The following DNAH9 variants were observed in gnomAD, a reference collection of about 807,000 sequenced individuals.
DNAH9 encodes DNAH9 variant protein.
DNAH9 carries 345 observed loss-of-function variants against 471.6 expected under a neutral mutation model. The observed-to-expected ratio is 0.73, with a 90% CI of 0.67 to 0.80. The LOEUF (loss-of-function observed/expected upper bound fraction) is 0.80, where lower values mean the gene tolerates loss of function less well. Ranked by LOEUF, DNAH9 falls within the 30% of genes least tolerant of loss-of-function variation. DNAH9 has a pLI of 0.00. For synonymous variants in DNAH9, 2,093 were observed against 2,123.6 expected (o/e 0.99, Z 0.40); for missense variants, 5,407 against 5,609.2 (o/e 0.96, Z 1.15).
At chr17:11,830,850 T>C (rs1469467671) in intron 48 of DNAH9, among the ~76,000 whole-genome samples, 1 of 152,200 alleles carries the variant, frequency 6.6e-6, no homozygotes, top group Non-Finnish European at 1.5e-5. Flanking sequence ...GAAGAATCTC[T>C]GTGACTTGGA....
At chr17:11,712,250 C>T (rs1204992580) in intron 26 of DNAH9, among the ~76,000 whole-genome samples, 1 of 148,158 alleles carries the variant, frequency 6.7e-6, no homozygotes, top group Non-Finnish European at 1.5e-5. Context: ...CATGGCAGAG[C>T]ATGTGTCTGT....
In DNAH9 at chr17:11,623,612, G is replaced by C. The variant is rs968523935; in HGVS notation, c.1350+3831G>C. On this transcript the variant is annotated intron_variant, in intron 6 of 68. Transcript: ENST00000262442. The surrounding 1 kb of genome is among the most constrained non-coding windows in gnomAD (Gnocchi z 4.1). Reference sequence around the variant, plus strand: ...GCTGTCCTCTGGCATATTTCATGTAGGCCTTTAGTTAATATTCTGTGTATC... The same window carrying C: ...GCTGTCCTCTGGCATATTTCATGTACGCCTTTAGTTAATATTCTGTGTATC... Among the ~76,000 whole-genome samples the C allele has an allele frequency of 1.3e-5, 2 of 152,066 alleles. No homozygotes were observed. Among genetic ancestry groups the C allele is most frequent in the South Asian group, 2.1e-4 (1 of 4,822 alleles).
chr17:11,879,086 A>G (rs1019643502), intron 53 of DNAH9, among the ~76,000 whole-genome samples: 4 of 152,098 alleles, frequency 2.6e-5, no homozygotes, highest in South Asian at 2.1e-4. Flanking sequence ...TTTTCTATGT[A>G]TCTAATACTA....
At chr17:11,837,163 G>A (rs1970877313) in intron 49 of DNAH9, among the ~76,000 whole-genome samples, 1 of 152,160 alleles carries the variant, frequency 6.6e-6, no homozygotes, top group African/African-American at 2.4e-5. Context: ...TATAAATACT[G>A]TTGGTTAATT....
intron 1 of DNAH9, among the ~76,000 whole-genome samples, chr17:11,601,368 G>A (rs2072383757): frequency 6.6e-6 from 1 of 150,922 alleles, no homozygotes; most frequent in Non-Finnish European, 1.5e-5. Flanking sequence ...GAGGGTGGGA[G>A]GGAGAGAGGG....
intron 50 of DNAH9, among the ~76,000 whole-genome samples, chr17:11,864,472 G>A (rs1277593835): frequency 6.7e-6 from 1 of 150,102 alleles, no homozygotes; most frequent in Non-Finnish European, 1.5e-5. Context: ...TAGGTGTGGT[G>A]TGGTGCTGAA....
chr17:11,733,916 A>G (rs2075306923), intron 28 of DNAH9, among the ~76,000 whole-genome samples: 1 of 152,000 alleles, frequency 6.6e-6, no homozygotes, highest in East Asian at 1.9e-4. Flanking sequence ...GATAAGGCAG[A>G]AAATAAGTTC....
intron 59 of DNAH9, among the ~76,000 whole-genome samples, chr17:11,898,414 C>A (rs1167557309): frequency 2.0e-5 from 3 of 152,198 alleles, no homozygotes; most frequent in Admixed American, 1.3e-4. Flanking sequence ...AGCCGCCGCG[C>A]CTGGCCCTTT....
chr17:11,784,200 G>A (rs1038398725), intron 40 of DNAH9, 100 bp from the exon 41 acceptor site: 53 of 1,556,568 alleles, frequency 3.4e-5, no homozygotes, highest in Admixed American at 8.9e-5. Flanking sequence ...ATATAGATTC[G>A]AAGGCTGTAT....
intron 49 of DNAH9, among the ~76,000 whole-genome samples, chr17:11,849,991 G>A (rs1971361044): frequency 6.6e-6 from 1 of 152,204 alleles, no homozygotes. Flanking sequence ...ATACATCCAT[G>A]AGGGAAGATC....
chr17:11,681,749 G>T (rs1252969797), intron 19 of DNAH9, among the ~76,000 whole-genome samples: 1 of 151,918 alleles, frequency 6.6e-6, no homozygotes, highest in Non-Finnish European at 1.5e-5. Context: ...AAGGTTATTT[G>T]CCCACAGAAA....
At position 11,881,326 on chromosome 17, in the gene DNAH9, C is replaced by G; in HGVS notation, c.10719C>G (p.Ile3573Met). The change falls in exon 55 of 69, where the codon ATC becomes ATG. Residue 3573 changes from isoleucine to methionine, a missense_variant. By Grantham distance (10) the Ile-to-Met change is conservative. Coordinates refer to ENST00000262442, the MANE Select transcript of DNAH9 (RefSeq NM_001372.4). The part of the protein sequence containing the change: ...QPELQAQATL[I>M]NFTVTRDGLE... ...AGCTGCAGGCTCAGGCCACCCTGAT[C>G]AACTTCACCGTGACCAGGGATGGCC... 6.2e-7 allele frequency: 1 copy of G among 1,614,168 alleles called. No individual in the cohort carries two copies. Among genetic ancestry groups the G allele is most frequent in the Non-Finnish European group, 8.5e-7 (1 of 1,180,034 alleles).
chr17:11,934,425 T>C (rs1974627194), intron 65 of DNAH9, among the ~76,000 whole-genome samples: 1 of 146,638 alleles, frequency 6.8e-6, no homozygotes, highest in Admixed American at 6.9e-5. Context: ...CTTGGGATGT[T>C]GACAAACCCA....
chr17:11,942,490 G>A lies in DNAH9; in HGVS notation c.12843+5G>A, dbSNP rs1218061799. ...GAGCTGGAGCTCGGCTTAAAGGTGA[G>A]CGCGGTCTTGTAAGGCATGGAGGGG... On this transcript the variant is annotated splice_donor_5th_base_variant and intron_variant, in intron 67 of 68. Transcript: ENST00000262442. 1 of 1,612,510 alleles carries A rather than the reference G, an allele frequency of 6.2e-7. No individual in the cohort carries two copies.
chr17:11,613,561 C>T (rs1374776115), intron 4 of DNAH9, among the ~76,000 whole-genome samples: 6 of 152,156 alleles, frequency 3.9e-5, no homozygotes, highest in South Asian at 4.1e-4. Context: ...GTCGAGATCG[C>T]GTCACCGCAC....
chr17:11,743,500 C>T (rs559195870), intron 30 of DNAH9, among the ~76,000 whole-genome samples: 1 of 152,306 alleles, frequency 6.6e-6, no homozygotes, highest in Admixed American at 6.5e-5. Flanking sequence ...AAGATAGAGA[C>T]CAATGTCCTT....
chr17:11,751,876 T>C (rs1834223998), intron 32 of DNAH9, among the ~76,000 whole-genome samples: 1 of 152,130 alleles, frequency 6.6e-6, no homozygotes, highest in African/African-American at 2.4e-5. Flanking sequence ...CTAGAATTAA[T>C]AAGAAAGTTC....
chr17:11,844,842 C>G (rs1361608533), intron 49 of DNAH9, among the ~76,000 whole-genome samples: 2 of 152,032 alleles, frequency 1.3e-5, no homozygotes. Context: ...AGCCTAGGAC[C>G]CAATACTGGC....
chr17:11,775,068 C>T (rs1315218732), intron 38 of DNAH9, among the ~76,000 whole-genome samples: 9 of 152,164 alleles, frequency 5.9e-5, no homozygotes, highest in African/African-American at 1.4e-4. Context: ...GATCTGCTTT[C>T]TATCACTATA....
Sources: gnomAD v4.1 joint callset for allele counts (sites outside exome capture counted in the v4.1 genomes callset) on GRCh38, gnomAD v4.1.1 for gene constraint, Gnocchi (gnomAD v3.1) non-coding constraint, MANE v1.5 for transcripts, NCBI Gene and HGNC (gene_info 2026-07-23, HGNC 2026-07-21) for gene names.